OGG1: variants seen among roughly 807,000 people sequenced by gnomAD.
OGG1 encodes the protein N-glycosylase/DNA lyase.
A neutral mutation model predicts 42.3 loss-of-function variants in OGG1; 35 were observed. The observed-to-expected ratio is 0.83, with a 90% confidence interval of 0.63 to 1.10. OGG1 has a LOEUF of 1.10. Among genes scored for constraint, OGG1 ranks in the 50% least tolerant of loss-of-function variants. OGG1 has a pLI of 0.00. For synonymous variants in OGG1, 189 were observed against 179.0 expected (o/e 1.06, Z -0.44); for missense variants, 484 against 446.7 (o/e 1.08, Z -0.75).
chr3:9,777,742 G>T (rs560872645), intron 2 of OGG1, among the ~76,000 whole-genome samples: 4 of 152,076 alleles, frequency 2.6e-5, no homozygotes, highest in Admixed American at 2.0e-4. Flanking sequence ...TCCAATTTTG[G>T]GATGTCAGCT....
chr3:9,789,709 G>A (rs776791867), downstream of OGG1: 1 of 1,611,860 alleles, frequency 6.2e-7, no homozygotes, highest in Non-Finnish European at 8.5e-7. Flanking sequence ...CTCTAGCCCA[G>A]AACCTGTTGG....
rs1227735052 is a variant in OGG1 at position 9,757,036 on chromosome 3, CCA to C, written c.949-20_949-19del. The C allele has an allele frequency of 1.4e-5, 23 of 1,613,886 alleles. No individual in the cohort carries two copies. The highest frequency in any genetic ancestry group is 1.7e-4 in the Middle Eastern group (1 of 6,046). On this transcript the variant is annotated intron_variant, in intron 6 of 6. Coordinates refer to ENST00000344629, the MANE Select transcript of OGG1 (RefSeq NM_002542.6). The surrounding 1 kb of genome is among the most constrained non-coding windows in gnomAD (Gnocchi z 4.5). ...CCCTGACCCCAGTGTACCCTCCTCC[CCA>C]CACAGACTCCACCCTCCTACAGGTG... is the stretch of plus-strand genomic sequence containing the variant.
Position 9,756,452 on chromosome 3 carries a change from C to A in OGG1, c.748-19C>A. On this transcript the variant is annotated intron_variant, in intron 4 of 6. Coordinates refer to ENST00000344629, the MANE Select transcript of OGG1 (RefSeq NM_002542.6). ...ATGCTGCCCTTCTTCCACAAGGGCT[C>A]ATTCTGTGTCTGTCAAAGGTGGCTG... 1 of 1,614,046 alleles carries A rather than the reference C, an allele frequency of 6.2e-7. No individual in the cohort carries two copies. The highest frequency in any genetic ancestry group is 1.3e-5 in the African/African-American group (1 of 75,052).
downstream of OGG1, chr3:9,761,074 T>C (rs2077842923): frequency 5.4e-6 from 2 of 372,252 alleles, no homozygotes; most frequent in Admixed American, 4.2e-5. Context: ...AGCGAGCCCT[T>C]CCCTGACCTC....
chr3:9,750,512 G>T, intron 1 of OGG1, 89 bp downstream of exon 1: 1 of 1,574,894 alleles, frequency 6.3e-7, no homozygotes, highest in Non-Finnish European at 8.6e-7. Context: ...GGAATTTGGG[G>T]GATGATGGAA....
chr3:9,785,947 T>G (rs973870753), intron 3 of OGG1, among the ~76,000 whole-genome samples: 3 of 151,258 alleles, frequency 2.0e-5, no homozygotes, highest in African/African-American at 4.8e-5. Context: ...GTTTTGTTTT[T>G]TTTTTTTGAG....
chr3:9,780,452 G>A (rs770394657), intron 2 of OGG1: 3 of 1,611,800 alleles, frequency 1.9e-6, no homozygotes, highest in Non-Finnish European at 2.5e-6. Flanking sequence ...TTCTTCTGCC[G>A]GGCAGCCATG....
intron 3 of OGG1, chr3:9,783,219 GAAAA>G: frequency 6.6e-6 from 1 of 151,882 alleles, no homozygotes; most frequent in South Asian, 2.1e-4. Flanking sequence ...GGGATAAAAA[GAAAA>G]GAAGCATGAA....
downstream of OGG1, chr3:9,789,508 C>A (rs1310252689): frequency 6.2e-7 from 1 of 1,613,486 alleles, no homozygotes; most frequent in Non-Finnish European, 8.5e-7. Flanking sequence ...AGAGTTTCTA[C>A]CTTGTAATGC....
intron 2 of OGG1, among the ~76,000 whole-genome samples, chr3:9,773,292 G>C (rs1030306182): frequency 3.3e-5 from 5 of 151,696 alleles, no homozygotes; most frequent in African/African-American, 9.7e-5. Flanking sequence ...CACCTTGGGA[G>C]GCTGAGGCGG....
rs200541056 is a variant in OGG1, at chr3:9,763,244, G to C, written c.1049-2565G>C. Reference sequence around the variant, plus strand: ...AGGAGAAATGAGGTGGTTTAGCCAGGCATGGCGGTGTGCACCTGTAGTCCA... The same window carrying C: ...AGGAGAAATGAGGTGGTTTAGCCAGCCATGGCGGTGTGCACCTGTAGTCCA... On this transcript the variant is annotated intron_variant, in intron 7 of 7. Coordinates refer to the OGG1 transcript ENST00000302008. 644 of 1,613,308 alleles carry C rather than the reference G, an allele frequency of 4.0e-4. 2 individuals carry two copies. In the African/African-American group the frequency reaches 7.4e-3, roughly 19 times the overall value.
chr3:9,758,907 G>C (rs2077715103), downstream of OGG1: 1 of 401,268 alleles, frequency 2.5e-6, no homozygotes, highest in Non-Finnish European at 4.7e-6. Flanking sequence ...TGGGATTACA[G>C]GCGTGAGCCA....
downstream of OGG1, chr3:9,789,644 GC>G: frequency 6.2e-7 from 1 of 1,611,484 alleles, no homozygotes; most frequent in Non-Finnish European, 8.5e-7. Flanking sequence ...CTGAGTGGGC[GC>G]CCCTGCCCCA....
At chr3:9,761,942 A>C, downstream of OGG1, 16 of 813,222 alleles carry the variant, frequency 2.0e-5, no homozygotes, top group Non-Finnish European at 2.8e-5. Flanking sequence ...GACAAGGCTC[A>C]AGAGGGTGTG....
At chr3:9,787,906 A>G in exon 4 of OGG1, 1 of 375,384 alleles carries the variant, frequency 2.7e-6, no homozygotes. Context: ...CAAGAGGGAG[A>G]GAAGAGCTTG....
downstream of OGG1, chr3:9,789,430 G>A (rs2078687671): frequency 4.5e-6 from 6 of 1,338,800 alleles, no homozygotes; most frequent in South Asian, 6.5e-5. Context: ...GATGATGCAT[G>A]GCTTTGGTAG....
At chr3:9,763,416 A>AC in intron 7 of OGG1, 3 of 199,684 alleles carry the variant, frequency 1.5e-5, no homozygotes, top group Non-Finnish European at 2.7e-5. Flanking sequence ...AAAAAAAAAA[A>AC]AAAAAACAGC....
chr3:9,789,002 A>T (rs894219217), downstream of OGG1, among the ~76,000 whole-genome samples: 1 of 151,752 alleles, frequency 6.6e-6, no homozygotes, highest in Non-Finnish European at 1.5e-5. Flanking sequence ...TGCCTGGCTA[A>T]TTTTTTGTAT....
At chr3:9,783,714 C>T in intron 3 of OGG1, 1 of 218,408 alleles carries the variant, frequency 4.6e-6, no homozygotes, top group Middle Eastern at 1.7e-3. Context: ...GGAGGCGGAG[C>T]TTGCAGTGAG....
Sources: allele counts gnomAD v4.1 joint callset (sites outside exome capture counted in the v4.1 genomes callset), GRCh38; gene constraint gnomAD v4.1.1; non-coding constraint Gnocchi (gnomAD v3.1); transcripts MANE v1.5; gene names NCBI Gene and HGNC (gene_info 2026-07-23, HGNC 2026-07-21).